The following RCAN2 variants were observed in gnomAD, a reference collection of about 807,000 sequenced individuals.
RCAN2 encodes the protein calcipressin-2.
In RCAN2, 9 loss-of-function variants were observed where a neutral mutation model predicts 23.6. That is an observed-to-expected ratio of 0.38 (90% CI 0.23 to 0.67). RCAN2 has a LOEUF of 0.67. Among genes scored for constraint, RCAN2 ranks in the 30% least tolerant of loss-of-function variants. The pLI is 0.51. For synonymous variants in RCAN2, 109 were observed against 115.7 expected (o/e 0.94, Z 0.37); for missense variants, 273 against 302.3 (o/e 0.90, Z 0.72).
intron 2 of RCAN2, among the ~76,000 whole-genome samples, chr6:46,337,382 T>C (rs1764176894): frequency 6.6e-6 from 1 of 152,214 alleles, no homozygotes; most frequent in South Asian, 2.1e-4. Flanking sequence ...AATCTGTGAA[T>C]TGTGGTCCTT....
At chr6:46,291,047 G>C (rs536053000) in intron 2 of RCAN2, among the ~76,000 whole-genome samples, 2 of 152,274 alleles carry the variant, frequency 1.3e-5, no homozygotes, top group East Asian at 3.9e-4. Flanking sequence ...TAATAGGTAA[G>C]CCACAGTTTC....
At chr6:46,371,026 T>A (rs1023029933) in intron 2 of RCAN2, among the ~76,000 whole-genome samples, 1 of 152,004 alleles carries the variant, frequency 6.6e-6, no homozygotes, top group African/African-American at 2.4e-5. Flanking sequence ...ATTTGGGGAG[T>A]AGAAGGGGAC....
At chr6:46,425,480 C>A (rs1457342599) in intron 2 of RCAN2, among the ~76,000 whole-genome samples, 1 of 152,132 alleles carries the variant, frequency 6.6e-6, no homozygotes, top group Non-Finnish European at 1.5e-5. Context: ...ATCTTAGTAA[C>A]CCCCAGGAAT....
At chr6:46,309,951 G>T (rs1430318325) in intron 2 of RCAN2, among the ~76,000 whole-genome samples, 2 of 152,118 alleles carry the variant, frequency 1.3e-5, no homozygotes, top group Admixed American at 6.5e-5. Context: ...AGATAGAACT[G>T]GTCCTCCTCA....
chr6:46,319,862 T>G (rs755268510), intron 2 of RCAN2, among the ~76,000 whole-genome samples: 11 of 152,212 alleles, frequency 7.2e-5, no homozygotes, highest in Non-Finnish European at 1.5e-4. Flanking sequence ...GAATCTGTTA[T>G]ACACATGCCA....
intron 2 of RCAN2, among the ~76,000 whole-genome samples, chr6:46,314,247 A>G (rs1263227232): frequency 6.6e-6 from 1 of 151,682 alleles, no homozygotes; most frequent in East Asian, 1.9e-4. Context: ...CTGTAATCCC[A>G]GCTATTTGGG....
intron 2 of RCAN2, among the ~76,000 whole-genome samples, chr6:46,424,177 G>A (rs1303266852): frequency 1.3e-5 from 2 of 152,176 alleles, no homozygotes; most frequent in African/African-American, 2.4e-5. Flanking sequence ...AACTTAGTAA[G>A]AGCATGGCAC....
chr6:46,294,782 A>G (rs1346106368), intron 2 of RCAN2, among the ~76,000 whole-genome samples: 1 of 152,188 alleles, frequency 6.6e-6, no homozygotes, highest in African/African-American at 2.4e-5. Context: ...CCACGGTTAT[A>G]TATTTGCTTT....
chr6:46,298,557 C>T (rs1214094620), intron 2 of RCAN2, among the ~76,000 whole-genome samples: 1 of 152,006 alleles, frequency 6.6e-6, no homozygotes, highest in Non-Finnish European at 1.5e-5. Context: ...TTTTTATGGA[C>T]CTGAAGATTC....
intron 2 of RCAN2, among the ~76,000 whole-genome samples, chr6:46,407,653 TC>T (rs1766440423): frequency 6.6e-6 from 1 of 152,208 alleles, no homozygotes; most frequent in African/African-American, 2.4e-5. Context: ...GGAATCCATT[TC>T]CAAATGGCTA....
chr6:46,222,983 AC>A lies in RCAN2; in HGVS notation c.*157del. On this transcript the variant is annotated 3_prime_UTR_variant, in exon 5 of 5. Transcript: ENST00000371374. ...GTATGATATGATCAGGAGACATATCACCTTTTCCTAGCCCTTTTGTCCGAGA... is the reference window on the plus strand; with the variant it reads ...GTATGATATGATCAGGAGACATATCACTTTTCCTAGCCCTTTTGTCCGAGA... 1.4e-6 allele frequency: 1 copy of A among 709,142 alleles called. No homozygotes were observed. The highest frequency in any genetic ancestry group is 2.4e-6 in the Non-Finnish European group (1 of 414,726). The allele number at this position is 709,142 out of a possible 1,614,324, so 43.9% of individuals were successfully genotyped here.
Position 46,246,667 on chromosome 6 carries a change from G to A in RCAN2, c.571+81C>T, listed in dbSNP as rs893601780. 3.4e-6 allele frequency: 4 copies of A among 1,178,050 alleles called. No homozygotes were observed. The Admixed American group carries it at 7.8e-5, about 23-fold the overall frequency. The allele number at this position is 1,178,050 out of a possible 1,614,324, so 73.0% of individuals were successfully genotyped here. A position where few individuals can be genotyped will look rare whatever the true frequency, so the allele number is the denominator to read the frequency against. ...AAATGCAGATGTTACTGTGAACCCA[G>A]GATCTCAAGGTTGTTAATCTCATTT... On this transcript the variant is annotated intron_variant, in intron 4 of 4. Coordinates refer to ENST00000371374, the MANE Select transcript of RCAN2 (RefSeq NM_001251974.2).
intron 2 of RCAN2, among the ~76,000 whole-genome samples, chr6:46,347,042 AT>A (rs1316106911): frequency 1.3e-5 from 2 of 151,766 alleles, no homozygotes; most frequent in African/African-American, 2.4e-5. Context: ...CGCCTGGCTA[AT>A]TTTTTGTATT....
intron 2 of RCAN2, among the ~76,000 whole-genome samples, chr6:46,432,324 T>A (rs1723757750): frequency 1.3e-5 from 2 of 151,980 alleles, no homozygotes; most frequent in Non-Finnish European, 2.9e-5. Context: ...AGCAATTCTC[T>A]TGCCTCAGCC....
chr6:46,313,750 C>A (rs1763337941), intron 2 of RCAN2, among the ~76,000 whole-genome samples: 1 of 152,188 alleles, frequency 6.6e-6, no homozygotes, highest in Non-Finnish European at 1.5e-5. Context: ...TTGAGAGAAT[C>A]ATATACTTCC....
chr6:46,425,441 T>C (rs2150414219), intron 2 of RCAN2, among the ~76,000 whole-genome samples: 1 of 152,340 alleles, frequency 6.6e-6, no homozygotes, highest in Non-Finnish European at 1.5e-5. Context: ...CTTTTAATAT[T>C]GTGGTTAACT....
intron 2 of RCAN2, among the ~76,000 whole-genome samples, chr6:46,317,335 TAAC>T (rs1432585627): frequency 6.6e-6 from 1 of 152,236 alleles, no homozygotes; most frequent in East Asian, 1.9e-4. Flanking sequence ...ACAAGTAGTA[TAAC>T]ACCACTTCTG....
chr6:46,279,084 A>G (rs1767812229), intron 2 of RCAN2, among the ~76,000 whole-genome samples: 1 of 152,184 alleles, frequency 6.6e-6, no homozygotes, highest in South Asian at 2.1e-4. Context: ...GTTTGTTCTT[A>G]CCCTTGAATA....
intron 2 of RCAN2, among the ~76,000 whole-genome samples, chr6:46,320,306 T>C (rs1763571254): frequency 6.6e-6 from 1 of 152,158 alleles, no homozygotes. Flanking sequence ...AAGTGACACA[T>C]ACTAAATTGT....
Sources: allele counts gnomAD v4.1 joint callset (sites outside exome capture counted in the v4.1 genomes callset), GRCh38; gene constraint gnomAD v4.1.1; transcripts MANE v1.5; gene names NCBI Gene and HGNC (gene_info 2026-07-23, HGNC 2026-07-21).